Variants in RGMA observed in about 807,000 individuals in gnomAD.
The protein encoded by RGMA is repulsive guidance molecule A.
A neutral mutation model predicts 23.2 loss-of-function variants in RGMA; 10 were observed. The ratio of observed to expected loss-of-function variants is 0.43; its 90% CI spans 0.27 to 0.73. RGMA has a LOEUF of 0.73. RGMA is among the 30% of genes least tolerant of loss of function. The pLI, the probability that RGMA is intolerant of heterozygous loss-of-function variation, is 0.20. For synonymous variants in RGMA, 308 were observed against 279.3 expected, an observed-to-expected ratio of 1.10 and a Z score of -1.03; for missense variants, 547 against 630.5, an observed-to-expected ratio of 0.87 and a Z score of 1.42.
chr15:93,058,506 A>G (rs1188207904), intron 2 of RGMA, among the ~76,000 whole-genome samples: 1 of 152,244 alleles, frequency 6.6e-6, no homozygotes, highest in Non-Finnish European at 1.5e-5. Flanking sequence ...ATCACAATTT[A>G]TGGGAGAGGC....
rs184200743 is a variant in RGMA at position 93,045,713 on chromosome 15, G to A, written c.646-8C>T. The A allele has an allele frequency of 7.8e-5, 124 of 1,596,110 alleles. No homozygotes were observed. In the African/African-American group the frequency reaches 1.4e-3, roughly 18 times the overall value. On this transcript the variant is annotated splice_region_variant and splice_polypyrimidine_tract_variant and intron_variant, in intron 3 of 3. Coordinates refer to ENST00000329082, the MANE Select transcript of RGMA (RefSeq NM_020211.3). The surrounding 1 kb of genome is among the most constrained non-coding windows in gnomAD (Gnocchi z 6.9). ...CTTGAAGATGATGGTGAGCTGCCGG[G>A]GAAAGGGGCAGAGGAGAGTGGGTGA...
At chr15:93,076,220 C>T (rs1194921818) in intron 1 of RGMA, among the ~76,000 whole-genome samples, 2 of 152,198 alleles carry the variant, frequency 1.3e-5, no homozygotes, top group Non-Finnish European at 2.9e-5. Flanking sequence ...TTTTCTTCAG[C>T]ACTGGCTGTG....
chr15:93,062,657 A>C (rs1316005385), intron 2 of RGMA: 3 of 152,126 alleles, frequency 2.0e-5, no homozygotes, highest in Admixed American at 6.5e-5. Context: ...TTCCCTGTTA[A>C]ATTTCCCCAC....
At chr15:93,088,840 G>A (rs1470422573) in intron 1 of RGMA, 79 bp downstream of exon 1, 5 of 1,319,936 alleles carry the variant, frequency 3.8e-6, no homozygotes, top group South Asian at 1.3e-5. Flanking sequence ...GACCAAAGCA[G>A]CGCCGTGGCC....
intron 1 of RGMA, among the ~76,000 whole-genome samples, chr15:93,082,242 AG>A (rs756164698): frequency 1.6e-4 from 25 of 152,366 alleles, no homozygotes; most frequent in Non-Finnish European, 2.9e-4. Flanking sequence ...TTGTATGTAC[AG>A]GATCTTGGGA....
chr15:93,073,738 G>A, intron 1 of RGMA: 8 of 1,537,164 alleles, frequency 5.2e-6, no homozygotes, highest in Non-Finnish European at 7.0e-6. Context: ...CCCGCCCGTC[G>A]TGGCCCCAGG....
At position 93,038,569 on chromosome 15, in the gene RGMA, G is replaced by GTTGTTTTTTTTTTTTTTTTTTTTTTTT. The variant is rs1471553159; in HGVS notation, c.*6428_*6429insAAAAAAAAAAAAAAAAAAAAAAAACAA. 1.0e-5 allele frequency: 1 copy of GTTGTTTTTTTTTTTTTTTTTTTTTTTT among 100,222 alleles called. No individual in the cohort carries two copies. The highest frequency in any genetic ancestry group is 1.1e-4 in the Admixed American group (1 of 9,210). 6.2% of individuals were successfully genotyped at this position (100,222 alleles called of 1,614,324 possible). A position where few individuals can be genotyped will look rare whatever the true frequency, so the allele number is the denominator to read the frequency against. On this transcript the variant is annotated 3_prime_UTR_variant, in exon 4 of 4. Transcript: ENST00000329082. ...GCCTTAATGAACGAAACTGTTAGTTGTTTTTTTTTTTTTTTTGAGACGGTG... is the reference window on the plus strand; with the variant it reads ...GCCTTAATGAACGAAACTGTTAGTTGTTGTTTTTTTTTTTTTTTTTTTTTTTTTTTTTTTTTTTTTTTTGAGACGGTG...
chr15:93,036,793 G>C lies in RGMA; in HGVS notation c.*8205C>G, dbSNP rs897195607. Reference sequence around the variant, plus strand: ...GCGCAGTGAGCGGTGGGGTGGACGCGTGCTCTCCTACCAGACCCTGCTTGT... The same window carrying C: ...GCGCAGTGAGCGGTGGGGTGGACGCCTGCTCTCCTACCAGACCCTGCTTGT... On this transcript the variant is annotated 3_prime_UTR_variant, in exon 4 of 4. Coordinates refer to ENST00000329082, the MANE Select transcript of RGMA (RefSeq NM_020211.3). The C allele has an allele frequency of 6.6e-6, 1 of 152,314 alleles. No individual in the cohort carries two copies. Among genetic ancestry groups the C allele is most frequent in the Non-Finnish European group, 1.5e-5 (1 of 68,106 alleles). The allele number at this position is 152,314 out of a possible 1,614,324, so 9.4% of individuals were successfully genotyped here.
At chr15:93,071,407 G>A (rs1049219539) in intron 2 of RGMA, among the ~76,000 whole-genome samples, 1 of 152,202 alleles carries the variant, frequency 6.6e-6, no homozygotes, top group Non-Finnish European at 1.5e-5. Flanking sequence ...GATCCCCTGC[G>A]GAGGTTTTGA....
At chr15:93,052,545 C>A in intron 2 of RGMA, 38 bp from the exon 3 acceptor site, 1 of 1,512,950 alleles carries the variant, frequency 6.6e-7, no homozygotes, top group Non-Finnish European at 8.9e-7. Flanking sequence ...CGGGGTGCAG[C>A]CTGGCAACCC....
chr15:93,078,311 C>CT (rs1895505767), intron 1 of RGMA, among the ~76,000 whole-genome samples: 1 of 152,216 alleles, frequency 6.6e-6, no homozygotes, highest in Non-Finnish European at 1.5e-5. Flanking sequence ...GATATGTTAC[C>CT]AATGGCTCTT....
At position 93,053,892 on chromosome 15, in the gene RGMA, C is replaced by A. The variant is rs574845714; in HGVS notation, c.131-1385G>T. ...GGTGATACCTAAGTGAACACTTTGT[C>A]TTTTAATTTGAGAAGTCATATCTTT... On this transcript the variant is annotated intron_variant, in intron 2 of 3. Coordinates refer to ENST00000329082, the MANE Select transcript of RGMA (RefSeq NM_020211.3). 7.1e-4 allele frequency among the ~76,000 whole-genome samples: 108 copies of A among 152,276 alleles called. 1 individual carries two copies. Among genetic ancestry groups the A allele is most frequent in the African/African-American group, 2.5e-3 (104 of 41,564 alleles).
intron 1 of RGMA, among the ~76,000 whole-genome samples, chr15:93,084,842 T>C (rs948202773): frequency 6.6e-6 from 1 of 151,952 alleles, no homozygotes; most frequent in Non-Finnish European, 1.5e-5. Flanking sequence ...TTGAGAAAAG[T>C]ATAAAAGTCT....
At chr15:93,059,901 A>G (rs992778871) in intron 2 of RGMA, among the ~76,000 whole-genome samples, 3 of 152,226 alleles carry the variant, frequency 2.0e-5, no homozygotes, top group African/African-American at 7.2e-5. Context: ...GCGAACGTCC[A>G]TGGAAAGAAG....
chr15:93,070,757 G>GA (rs1246708217), intron 2 of RGMA, among the ~76,000 whole-genome samples: 10 of 152,224 alleles, frequency 6.6e-5, no homozygotes, highest in African/African-American at 2.4e-4. Flanking sequence ...CAGCTGGCGT[G>GA]ACAGGAGAGC....
chr15:93,051,835 C>T (rs2054924238), intron 3 of RGMA, 158 bp downstream of exon 3: 2 of 749,928 alleles, frequency 2.7e-6, no homozygotes, highest in Non-Finnish European at 4.2e-6. Flanking sequence ...AGCTGAGACC[C>T]ACCCCCTTGG....
intron 3 of RGMA, among the ~76,000 whole-genome samples, chr15:93,049,643 G>A (rs2054885712): frequency 6.6e-6 from 1 of 152,216 alleles, no homozygotes; most frequent in African/African-American, 2.4e-5. Context: ...CCCTAGTGAT[G>A]CCCGGGTGTT....
chr15:93,068,426 T>C (rs1313297117), intron 2 of RGMA, among the ~76,000 whole-genome samples: 1 of 152,182 alleles, frequency 6.6e-6, no homozygotes, highest in Non-Finnish European at 1.5e-5. Context: ...CCTCCTCTTC[T>C]CCATCTCATA....
Position 93,045,746 on chromosome 15 carries a change from T to C in RGMA, c.646-41A>G, listed in dbSNP as rs538512581. On this transcript the variant is annotated intron_variant, in intron 3 of 3. Transcript: ENST00000329082. This position sits in a 1 kb window ranked among gnomAD's most constrained non-coding sequence, Gnocchi z 6.9. ...GCAGAGGAGAGTGGGTGAGGCACAG[T>C]GGGAGGAGGCACAGCCCCACACTTA... The C allele has an allele frequency of 6.9e-7, 1 of 1,440,686 alleles. No individual in the cohort carries two copies. The highest frequency in any genetic ancestry group is 1.4e-5 in the African/African-American group (1 of 71,816). 89.2% of individuals were successfully genotyped at this position (1,440,686 alleles called of 1,614,324 possible). A position where few individuals can be genotyped will look rare whatever the true frequency, so the allele number is the denominator to read the frequency against.
Sources: gnomAD v4.1 joint callset for allele counts (sites outside exome capture counted in the v4.1 genomes callset) on GRCh38, gnomAD v4.1.1 for gene constraint, Gnocchi (gnomAD v3.1) non-coding constraint, MANE v1.5 for transcripts, NCBI Gene and HGNC (gene_info 2026-07-23, HGNC 2026-07-21) for gene names.